SCG3: variants seen among roughly 807,000 people sequenced by gnomAD.
The protein encoded by SCG3 is secretogranin-3.
In SCG3, 38 loss-of-function variants were observed where a neutral mutation model predicts 56.2. The observed-to-expected ratio is 0.68, with a 90% CI of 0.52 to 0.89. SCG3 has a LOEUF of 0.89. SCG3 is among the 40% of genes least tolerant of loss of function. The pLI, the probability that SCG3 is intolerant of heterozygous loss-of-function variation, is 0.00. For synonymous variants in SCG3, 176 were observed against 184.2 expected, an observed-to-expected ratio of 0.96 and a Z score of 0.36; for missense variants, 524 against 540.7, an observed-to-expected ratio of 0.97 and a Z score of 0.31.
At chr15:51,696,151 CT>C (rs2141567152) in intron 8 of SCG3, among the ~76,000 whole-genome samples, 160 bp downstream of exon 8, 1 of 152,240 alleles carries the variant, frequency 6.6e-6, no homozygotes, top group African/African-American at 2.4e-5. Flanking sequence ...ATAAAATTAA[CT>C]TTTTCAACTT....
chr15:51,695,675 A>T (rs959260178), intron 7 of SCG3, 200 bp from the exon 8 acceptor site: 3 of 472,238 alleles, frequency 6.4e-6, no homozygotes, highest in Non-Finnish European at 1.1e-5. Flanking sequence ...AGTGCAGGAG[A>T]TTAGTCTGAG....
chr15:51,708,960 T>G (rs2055393917), intron 10 of SCG3, among the ~76,000 whole-genome samples: 1 of 152,150 alleles, frequency 6.6e-6, no homozygotes, highest in Non-Finnish European at 1.5e-5. Context: ...CCCCAGTCAT[T>G]AAAGGCTCCA....
In SCG3 at chr15:51,716,410, A is replaced by G. The variant is rs2055456215; in HGVS notation, c.1288+2997A>G. Among the ~76,000 whole-genome samples, 2 of 152,234 alleles carry G rather than the reference A, an allele frequency of 1.3e-5. 1 individual carries two copies. Among genetic ancestry groups the G allele is most frequent in the South Asian group, 4.1e-4 (2 of 4,838 alleles). ...TGAGAGAATGGGAAAAGTGAAAAACAAAAATAAAAATGAGCATTTATTGAA... is the reference window on the plus strand; with the variant it reads ...TGAGAGAATGGGAAAAGTGAAAAACGAAAATAAAAATGAGCATTTATTGAA... On this transcript the variant is annotated intron_variant, in intron 11 of 11. Transcript: ENST00000220478.
chr15:51,697,341 A>G (rs1335439409), intron 8 of SCG3, among the ~76,000 whole-genome samples: 1 of 152,234 alleles, frequency 6.6e-6, no homozygotes, highest in Admixed American at 6.5e-5. Context: ...ATCCTATGGA[A>G]ATAAATCAAA....
At chr15:51,709,479 A>G (rs2055397768) in intron 10 of SCG3, among the ~76,000 whole-genome samples, 1 of 151,800 alleles carries the variant, frequency 6.6e-6, no homozygotes, top group South Asian at 2.1e-4. Context: ...TTTAATTAAT[A>G]GAATTCTATG....
At chr15:51,701,319 C>A in intron 10 of SCG3, 75 bp downstream of exon 10, 1 of 1,428,280 alleles carries the variant, frequency 7.0e-7, no homozygotes, top group Non-Finnish European at 9.4e-7. Flanking sequence ...GGAGGGTGAT[C>A]CAAAGAGCAA....
intron 10 of SCG3, among the ~76,000 whole-genome samples, chr15:51,702,497 T>TC (rs999468894): frequency 5.3e-5 from 8 of 152,030 alleles, no homozygotes; most frequent in Non-Finnish European, 2.9e-5. Context: ...CCTCAAGTGA[T>TC]CCCCCCGCCT....
At chr15:51,688,794 T>C (rs971553521) in intron 5 of SCG3, among the ~76,000 whole-genome samples, 4 of 152,202 alleles carry the variant, frequency 2.6e-5, no homozygotes, top group African/African-American at 9.7e-5. Context: ...AAGCATGTGA[T>C]GTGTATTTTT....
intron 11 of SCG3, among the ~76,000 whole-genome samples, chr15:51,716,677 G>A (rs1478229561): frequency 6.6e-6 from 1 of 152,182 alleles, no homozygotes; most frequent in Non-Finnish European, 1.5e-5. Flanking sequence ...AGACTTCTGT[G>A]ACCAAATGCG....
At chr15:51,699,290 A>G in intron 8 of SCG3, 29 bp from the exon 9 acceptor site, 3 of 1,524,020 alleles carry the variant, frequency 2.0e-6, no homozygotes, top group Non-Finnish European at 2.7e-6. Context: ...CAGGGAATAA[A>G]ATTAAATTTC....
At chr15:51,693,923 T>C (rs2055285019) in intron 7 of SCG3, 1 of 152,188 alleles carries the variant, frequency 6.6e-6, no homozygotes, top group Non-Finnish European at 1.5e-5. Context: ...TGCCAAATAC[T>C]TCTACGGATG....
Position 51,684,760 on chromosome 15 carries a change from G to GA in SCG3, c.397+1327dup, listed in dbSNP as rs1190920709. ...TACCTTCATAAGTGTGATTATTTAT[G>GA]ATTAATGCCTTTCTCCAAAACTAAA... On this transcript the variant is annotated intron_variant, in intron 4 of 11. Transcript: ENST00000220478. Among the ~76,000 whole-genome samples the GA allele has an allele frequency of 2.6e-4, 40 of 152,298 alleles. 2 individuals are homozygous for GA. The East Asian group carries it at 7.3e-3, about 28-fold the overall frequency.
chr15:51,703,426 T>C (rs1344209712), intron 10 of SCG3, among the ~76,000 whole-genome samples: 1 of 152,230 alleles, frequency 6.6e-6, no homozygotes, highest in Non-Finnish European at 1.5e-5. Context: ...GCTAACACTT[T>C]TTCCATTTGT....
At chr15:51,695,806 C>A in intron 7 of SCG3, 69 bp from the exon 8 acceptor site, 2 of 824,090 alleles carry the variant, frequency 2.4e-6, no homozygotes, top group Non-Finnish European at 4.0e-6. Flanking sequence ...AGATGCTGTA[C>A]TTTATAAATT....
At chr15:51,699,640 A>AG (rs948341994) in intron 9 of SCG3, among the ~76,000 whole-genome samples, 2 of 152,158 alleles carry the variant, frequency 1.3e-5, no homozygotes, top group African/African-American at 4.8e-5. Flanking sequence ...AGATTCCTGG[A>AG]GGTGGCTAGG....
Position 51,681,658 on chromosome 15 carries a change from CTGGCT to C in SCG3, c.-97_-93del. On this transcript the variant is annotated 5_prime_UTR_variant, in exon 1 of 12. Coordinates refer to ENST00000220478, the MANE Select transcript of SCG3 (RefSeq NM_013243.4). The stretch of plus-strand genomic sequence containing the variant: ...CCTCTCCCGCCCCACACCCACCCTC[CTGGCT>C]CTTCCTGTTTTTACTCCTCCTTTTC... 1.3e-6 allele frequency: 1 copy of C among 754,784 alleles called. No individual in the cohort carries two copies. The highest frequency in any genetic ancestry group is 2.3e-6 in the Non-Finnish European group (1 of 428,514). 46.8% of individuals were successfully genotyped at this position (754,784 alleles called of 1,614,324 possible).
rs768023969 is a variant in SCG3 at position 51,719,533 on chromosome 15, C to G, written c.*7C>G. ...CATTTATAGCAGCCTGTAAAAATGG[C>G]AAAAGATCCAGGAGTCTTTCAACTG... On this transcript the variant is annotated 3_prime_UTR_variant, in exon 12 of 12. Coordinates refer to ENST00000220478, the MANE Select transcript of SCG3 (RefSeq NM_013243.4). 5 of 1,576,926 alleles carry G rather than the reference C, an allele frequency of 3.2e-6. No homozygotes were observed. In the South Asian group the frequency reaches 5.6e-5, roughly 18 times the overall value.
intron 10 of SCG3, chr15:51,713,073 G>A (rs144883708): frequency 3.4e-6 from 1 of 292,606 alleles, no homozygotes; most frequent in Non-Finnish European, 6.3e-6. Context: ...TTATTTGTGT[G>A]TGGGAATCAT....
Position 51,717,276 on chromosome 15 carries a change from A to G in SCG3, c.1289-2132A>G, listed in dbSNP as rs2055463129. 1.3e-5 allele frequency among the ~76,000 whole-genome samples: 2 copies of G among 151,894 alleles called. 1 individual carries two copies. Among genetic ancestry groups the G allele is most frequent in the South Asian group, 4.1e-4 (2 of 4,826 alleles). On this transcript the variant is annotated intron_variant, in intron 11 of 11. Coordinates refer to ENST00000220478, the MANE Select transcript of SCG3 (RefSeq NM_013243.4). ...CCAGCTGCTCAGGAGGCTGAGGCAG[A>G]AGAATGGCGTGAACCCGGGAGGTGG...
Sources: allele counts gnomAD v4.1 joint callset (sites outside exome capture counted in the v4.1 genomes callset), GRCh38; gene constraint gnomAD v4.1.1; transcripts MANE v1.5; gene names NCBI Gene and HGNC (gene_info 2026-07-23, HGNC 2026-07-21).